The following C1orf21 variants were observed in gnomAD, a reference collection of about 807,000 sequenced individuals.
The protein encoded by C1orf21 is uncharacterized protein C1orf21.
In C1orf21, 3 loss-of-function variants were observed where a neutral mutation model predicts 18.7. The observed-to-expected ratio is 0.16, with a 90% CI of 0.07 to 0.42. C1orf21 has a LOEUF of 0.42. Ranked by LOEUF, C1orf21 falls within the 10% of genes least tolerant of loss-of-function variation. C1orf21 has a pLI of 0.99. For synonymous variants in C1orf21, 41 were observed against 46.4 expected, an observed-to-expected ratio of 0.88 and a Z score of 0.47; for missense variants, 104 against 143.6, an observed-to-expected ratio of 0.72 and a Z score of 1.41.
rs1659970193 is a variant in C1orf21, at chr1:184,624,278, T to C, written c.*4722T>C. Reference sequence around the variant, plus strand: ...GGAGTGTTTTATTTGGCCTCCCCTATCTGAGCTGCACACACACCAGGGGAG... The same window carrying C: ...GGAGTGTTTTATTTGGCCTCCCCTACCTGAGCTGCACACACACCAGGGGAG... On this transcript the variant is annotated 3_prime_UTR_variant, in exon 6 of 6. Coordinates refer to ENST00000235307, the MANE Select transcript of C1orf21 (RefSeq NM_030806.4). 6.6e-6 allele frequency: 1 copy of C among 152,596 alleles called. No homozygotes were observed. Among genetic ancestry groups the C allele is most frequent in the Non-Finnish European group, 1.5e-5 (1 of 68,038 alleles). The allele number at this position is 152,596 out of a possible 1,614,324, so 9.5% of individuals were successfully genotyped here. A position where few individuals can be genotyped will look rare whatever the true frequency, so the allele number is the denominator to read the frequency against.
intron 3 of C1orf21, among the ~76,000 whole-genome samples, chr1:184,523,073 C>T (rs1029019709): frequency 2.0e-4 from 30 of 152,078 alleles, no homozygotes; most frequent in African/African-American, 2.7e-4. Flanking sequence ...TACATGCAGG[C>T]GAATTGATAA....
chr1:184,435,970 C>T (rs952652139), intron 1 of C1orf21, among the ~76,000 whole-genome samples: 6 of 152,118 alleles, frequency 3.9e-5, no homozygotes, highest in South Asian at 4.1e-4. Context: ...AAGAAGCAGC[C>T]GTTGCCATTG....
At chr1:184,444,476 G>A (rs1403171491) in intron 1 of C1orf21, among the ~76,000 whole-genome samples, 1 of 152,090 alleles carries the variant, frequency 6.6e-6, no homozygotes, top group African/African-American at 2.4e-5. Context: ...TGTAAGAAGT[G>A]CGTTTCACCT....
chr1:184,447,435 G>A (rs536025783), intron 1 of C1orf21, among the ~76,000 whole-genome samples: 5 of 152,182 alleles, frequency 3.3e-5, no homozygotes, highest in Non-Finnish European at 5.9e-5. Context: ...CTCTGCATGC[G>A]TGATATCACA....
chr1:184,429,087 G>A (rs1656690266), intron 1 of C1orf21, among the ~76,000 whole-genome samples: 1 of 152,158 alleles, frequency 6.6e-6, no homozygotes, highest in African/African-American at 2.4e-5. Flanking sequence ...CATTCACCAA[G>A]CATCCATTAA....
chr1:184,447,247 G>A (rs758591426), intron 1 of C1orf21, among the ~76,000 whole-genome samples: 1 of 152,118 alleles, frequency 6.6e-6, no homozygotes, highest in Non-Finnish European at 1.5e-5. Context: ...GATGAGCTTC[G>A]AAGGATCTGT....
intron 1 of C1orf21, among the ~76,000 whole-genome samples, chr1:184,425,306 C>A (rs953345679): frequency 1.3e-5 from 2 of 151,256 alleles, no homozygotes; most frequent in Non-Finnish European, 2.9e-5. Context: ...CTCGTTCTGG[C>A]ACCCAGGATG....
intron 1 of C1orf21, among the ~76,000 whole-genome samples, chr1:184,466,393 A>G (rs1211175788): frequency 6.6e-6 from 1 of 152,216 alleles, no homozygotes; most frequent in Non-Finnish European, 1.5e-5. Flanking sequence ...GCCATCACTC[A>G]ACTGACTTTG....
intron 2 of C1orf21, among the ~76,000 whole-genome samples, chr1:184,503,077 C>CAAAAAAAAA (rs199599189): frequency 1.6e-5 from 1 of 61,642 alleles, no homozygotes; most frequent in African/African-American, 6.8e-5. Context: ...GAAACTGTCT[C>CAAAAAAAAA]AAAAAAAAAA....
chr1:184,520,165 T>A (rs1214937241), intron 3 of C1orf21, among the ~76,000 whole-genome samples: 1 of 152,192 alleles, frequency 6.6e-6, no homozygotes, highest in Non-Finnish European at 1.5e-5. Flanking sequence ...GTAAAACAAT[T>A]GATAATGACA....
intron 5 of C1orf21, among the ~76,000 whole-genome samples, chr1:184,603,029 T>G (rs934187809): frequency 1.1e-4 from 17 of 152,252 alleles, no homozygotes; most frequent in African/African-American, 4.1e-4. Flanking sequence ...ACAAAGACTC[T>G]CCCTATGAAA....
Position 184,452,335 on chromosome 1 carries a change from T to C in C1orf21, c.-124-25051T>C, listed in dbSNP as rs183481291. Among the ~76,000 whole-genome samples the C allele has an allele frequency of 4.6e-5, 7 of 152,298 alleles. No homozygotes were observed. The East Asian group carries it at 9.6e-4, about 21-fold the overall frequency. ...GCTGAGTGCAAAGCACAATTTCTCT[T>C]CATTGCAGGTGTGAGTGTGAGAACA... On this transcript the variant is annotated intron_variant, in intron 1 of 5. Coordinates refer to ENST00000235307, the MANE Select transcript of C1orf21 (RefSeq NM_030806.4).
intron 2 of C1orf21, among the ~76,000 whole-genome samples, chr1:184,478,051 A>T (rs1213522651): frequency 8.5e-5 from 13 of 152,188 alleles, no homozygotes; most frequent in Admixed American, 8.5e-4. Flanking sequence ...GAGGAGGAAC[A>T]TGGAGGTTTT....
At chr1:184,582,138 A>G (rs549188569) in intron 3 of C1orf21, among the ~76,000 whole-genome samples, 1 of 152,358 alleles carries the variant, frequency 6.6e-6, no homozygotes, top group African/African-American at 2.4e-5. Flanking sequence ...AGAAGACAAG[A>G]TAAAATTCCT....
intron 3 of C1orf21, among the ~76,000 whole-genome samples, chr1:184,515,607 C>CATTTTAGTTT: frequency 6.6e-6 from 1 of 152,278 alleles, no homozygotes; most frequent in South Asian, 2.1e-4. Context: ...AGGACATTCC[C>CATTTTAGTTT]ATTTTAGTTT....
At chr1:184,567,562 C>A in intron 3 of C1orf21, 1 of 495,008 alleles carries the variant, frequency 2.0e-6, no homozygotes. Flanking sequence ...TGATCAGCCT[C>A]CCTCTGGATC....
intron 3 of C1orf21, among the ~76,000 whole-genome samples, chr1:184,514,416 A>G (rs531706799): frequency 1.3e-5 from 2 of 152,334 alleles, no homozygotes; most frequent in South Asian, 2.1e-4. Context: ...GTGTTGCCTA[A>G]TAGGACTTTT....
chr1:184,521,112 C>T (rs776345672), intron 3 of C1orf21, among the ~76,000 whole-genome samples: 1 of 152,086 alleles, frequency 6.6e-6, no homozygotes, highest in Non-Finnish European at 1.5e-5. Flanking sequence ...AGGCTGGTCT[C>T]GAACTCCTGA....
Position 184,498,388 on chromosome 1 carries a change from T to TTC in C1orf21, c.95-9185_95-9184dup, listed in dbSNP as rs139987621. 9.9e-5 allele frequency among the ~76,000 whole-genome samples: 15 copies of TTC among 151,090 alleles called. 1 individual carries two copies. Among genetic ancestry groups the TTC allele is most frequent in the South Asian group, 6.3e-4 (3 of 4,794 alleles). On this transcript the variant is annotated intron_variant, in intron 2 of 5. Transcript: ENST00000235307. ...GCATCCATGCGTGTATGTCTATGCG[T>TTC]TCTCTCTCTCTCTCTCACCTTTGGC...
Sources: allele counts gnomAD v4.1 joint callset (sites outside exome capture counted in the v4.1 genomes callset), GRCh38; gene constraint gnomAD v4.1.1; transcripts MANE v1.5; gene names NCBI Gene and HGNC (gene_info 2026-07-23, HGNC 2026-07-21).